The following PDE4D variants were observed in gnomAD, a reference collection of about 807,000 sequenced individuals.
The protein encoded by PDE4D is 3',5'-cyclic-AMP phosphodiesterase 4D.
Under a neutral mutation model 87.4 loss-of-function variants are expected in PDE4D, and 24 were observed. The observed-to-expected ratio is 0.27, with a 90% CI of 0.20 to 0.39. The LOEUF (loss-of-function observed/expected upper bound fraction) is 0.39, where lower values mean the gene tolerates loss of function less well. Among genes scored for constraint, PDE4D ranks in the 10% least tolerant of loss-of-function variants. The pLI is 1.00. For missense variants in PDE4D, 714 were observed against 1,041.0 expected (o/e 0.69, Z 4.32); for synonymous variants, 384 against 383.2 (o/e 1.00, Z -0.02).
chr5:59,028,273 A>G (rs922511818), intron 6 of PDE4D, among the ~76,000 whole-genome samples: 1 of 152,096 alleles, frequency 6.6e-6, no homozygotes, highest in Non-Finnish European at 1.5e-5. Context: ...CACCAAAAAA[A>G]GTGATTAATG....
intron 1 of PDE4D, among the ~76,000 whole-genome samples, chr5:59,724,217 A>G (rs2150571845): frequency 6.6e-6 from 1 of 152,214 alleles, no homozygotes; most frequent in African/African-American, 2.4e-5. Flanking sequence ...GAAGGTTTCT[A>G]CACCCCAAAT....
In PDE4D at chr5:58,973,885, A is replaced by C. The variant is rs1342231369; in HGVS notation, c.*779T>G. The stretch of plus-strand genomic sequence containing the variant: ...TATAAAACAAACAATGAATCACTAC[A>C]AATCAGTTAATTGCTATGAACTATA... On this transcript the variant is annotated 3_prime_UTR_variant, in exon 15 of 15. Transcript: ENST00000340635. 1 of 152,678 alleles carries C rather than the reference A, an allele frequency of 6.5e-6. No individual in the cohort carries two copies. The highest frequency in any genetic ancestry group is 2.4e-5 in the African/African-American group (1 of 41,482). 9.5% of individuals were successfully genotyped at this position (152,678 alleles called of 1,614,324 possible).
At chr5:59,333,579 T>TATA (rs1777118186) in intron 1 of PDE4D, among the ~76,000 whole-genome samples, 1 of 152,134 alleles carries the variant, frequency 6.6e-6, no homozygotes, top group Admixed American at 6.6e-5. Flanking sequence ...CCAGGAAGCT[T>TATA]AGTGTGTCTC....
chr5:59,449,550 C>A (rs1007094851), intron 1 of PDE4D, among the ~76,000 whole-genome samples: 6 of 152,218 alleles, frequency 3.9e-5, no homozygotes, highest in Non-Finnish European at 5.9e-5. Context: ...ACTCCCTCTT[C>A]TTACCTGCCA....
intron 1 of PDE4D, among the ~76,000 whole-genome samples, chr5:59,609,353 G>A (rs1035944849): frequency 4.3e-5 from 5 of 115,456 alleles, no homozygotes; most frequent in South Asian, 6.3e-4. Flanking sequence ...TGAGAAACAC[G>A]TATATCTCTC....
intron 1 of PDE4D, among the ~76,000 whole-genome samples, chr5:59,350,895 A>G (rs1780424920): frequency 6.6e-6 from 1 of 152,186 alleles, no homozygotes; most frequent in African/African-American, 2.4e-5. Context: ...GCCAGCTGTC[A>G]ATCATTCCTG....
rs186149372 is a variant in PDE4D at position 59,420,741 on chromosome 5, G to C, written c.456-204773C>G. On this transcript the variant is annotated intron_variant, in intron 1 of 14. Coordinates refer to ENST00000340635, the MANE Select transcript of PDE4D (RefSeq NM_001104631.2). ...AAAATGGAAACTTGAAGAGAACAAA[G>C]AGCTGCTGGTATTCACAGTGTTCTT... is the stretch of plus-strand genomic sequence containing the variant. 2.1e-3 allele frequency among the ~76,000 whole-genome samples: 308 copies of C among 148,584 alleles called. 2 individuals carry two copies. The highest frequency in any genetic ancestry group is 3.9e-3 in the Admixed American group (58 of 14,884).
intron 5 of PDE4D, among the ~76,000 whole-genome samples, chr5:59,161,143 G>A (rs1781039292): frequency 7.0e-6 from 1 of 142,336 alleles, no homozygotes; most frequent in Non-Finnish European, 1.5e-5. Flanking sequence ...CATTGTGTTA[G>A]CCCAAAATAT....
intron 1 of PDE4D, among the ~76,000 whole-genome samples, chr5:59,815,101 T>C (rs1247672577): frequency 6.6e-6 from 1 of 152,126 alleles, no homozygotes; most frequent in Non-Finnish European, 1.5e-5. Context: ...ATAATTGTGG[T>C]AGAGAAGAGA....
intron 2 of PDE4D, among the ~76,000 whole-genome samples, chr5:60,126,474 A>G (rs1779132466): frequency 6.6e-6 from 1 of 152,220 alleles, no homozygotes; most frequent in Admixed American, 6.5e-5. Flanking sequence ...CTTTAGAAAC[A>G]AACAGATGGC....
At chr5:60,236,452 T>G (rs972974846) in intron 1 of PDE4D, among the ~76,000 whole-genome samples, 1 of 151,932 alleles carries the variant, frequency 6.6e-6, no homozygotes, top group African/African-American at 2.4e-5. Context: ...GACATTTTAC[T>G]GAAGAAGACA....
At chr5:60,310,457 G>C (rs1283697329) in intron 1 of PDE4D, among the ~76,000 whole-genome samples, 1 of 152,172 alleles carries the variant, frequency 6.6e-6, no homozygotes, top group African/African-American at 2.4e-5. Context: ...ATGAGGAGGA[G>C]AGGAACTGAA....
chr5:60,351,431 T>C (rs970047700), intron 1 of PDE4D, among the ~76,000 whole-genome samples: 5 of 152,184 alleles, frequency 3.3e-5, no homozygotes, highest in Non-Finnish European at 7.3e-5. Flanking sequence ...AAATATTGCA[T>C]GGGCCTCTGG....
intron 1 of PDE4D, among the ~76,000 whole-genome samples, chr5:60,211,062 T>C (rs1171018190): frequency 2.0e-5 from 3 of 152,176 alleles, no homozygotes; most frequent in African/African-American, 7.2e-5. Context: ...CCTCAGCCGC[T>C]TTCTCTCCAC....
At chr5:59,422,375 G>A (rs992342439) in intron 1 of PDE4D, among the ~76,000 whole-genome samples, 3 of 152,054 alleles carry the variant, frequency 2.0e-5, no homozygotes, top group African/African-American at 7.2e-5. Flanking sequence ...ACAACATTAT[G>A]GGCCAAGTCC....
At chr5:59,840,009 G>A (rs1292212707) in intron 1 of PDE4D, among the ~76,000 whole-genome samples, 3 of 152,094 alleles carry the variant, frequency 2.0e-5, no homozygotes, top group Non-Finnish European at 2.9e-5. Flanking sequence ...GTGGTGGGGG[G>A]CTCCCCATGT....
chr5:60,198,556 T>C (rs1034736240), intron 1 of PDE4D, among the ~76,000 whole-genome samples: 3 of 151,706 alleles, frequency 2.0e-5, no homozygotes, highest in African/African-American at 7.2e-5. Flanking sequence ...TCAAGGCTAC[T>C]ACTGTGTAAA....
At chr5:59,717,558 A>C (rs971154541) in intron 1 of PDE4D, among the ~76,000 whole-genome samples, 1 of 152,252 alleles carries the variant, frequency 6.6e-6, no homozygotes, top group Admixed American at 6.5e-5. Context: ...GGAAAAATAA[A>C]ACATTTAAAT....
At chr5:59,904,715 C>G (rs534658487) in intron 3 of PDE4D, among the ~76,000 whole-genome samples, 3 of 152,118 alleles carry the variant, frequency 2.0e-5, no homozygotes, top group African/African-American at 7.2e-5. Flanking sequence ...TACATGTTCT[C>G]TCCAAAAGAG....
Sources: gnomAD v4.1 joint callset for allele counts (sites outside exome capture counted in the v4.1 genomes callset) on GRCh38, gnomAD v4.1.1 for gene constraint, MANE v1.5 for transcripts, NCBI Gene and HGNC (gene_info 2026-07-23, HGNC 2026-07-21) for gene names.